Variants in LRBA observed in about 807,000 individuals in gnomAD.
The protein encoded by LRBA is LPS responsive beige-like anchor protein.
In LRBA, 176 loss-of-function variants were observed where a neutral mutation model predicts 330.0. The ratio of observed to expected loss-of-function variants is 0.53; its 90% CI spans 0.47 to 0.60. The LOEUF (loss-of-function observed/expected upper bound fraction) is 0.60. Ranked by LOEUF, LRBA falls within the 20% of genes least tolerant of loss-of-function variation. LRBA has a pLI of 0.00. For missense variants in LRBA, 3,259 were observed against 3,444.8 expected, an observed-to-expected ratio of 0.95 and a Z score of 1.35; for synonymous variants, 1,230 against 1,193.0, an observed-to-expected ratio of 1.03 and a Z score of -0.64.
chr4:150,663,933 A>G (rs886345139), intron 37 of LRBA, among the ~76,000 whole-genome samples: 1 of 152,232 alleles, frequency 6.6e-6, no homozygotes, highest in Non-Finnish European at 1.5e-5. Context: ...GAACTCACCA[A>G]GAAGATAACA....
chr4:150,982,165 G>A (rs1043491380), intron 2 of LRBA, among the ~76,000 whole-genome samples: 12 of 151,986 alleles, frequency 7.9e-5, no homozygotes, highest in African/African-American at 2.7e-4. Flanking sequence ...ACTAGATTAA[G>A]GCTACTTAGA....
At chr4:150,412,686 A>C (rs866265455) in intron 47 of LRBA, among the ~76,000 whole-genome samples, 3 of 152,188 alleles carry the variant, frequency 2.0e-5, no homozygotes, top group Middle Eastern at 3.4e-3. Context: ...TATTATTAAT[A>C]ATACTAACTA....
At chr4:150,866,997 G>A (rs1303035917) in intron 22 of LRBA, among the ~76,000 whole-genome samples, 1 of 149,850 alleles carries the variant, frequency 6.7e-6, no homozygotes, top group African/African-American at 2.5e-5. Context: ...AGGAGACAAA[G>A]CAATTATAGA....
intron 47 of LRBA, among the ~76,000 whole-genome samples, chr4:150,368,263 C>T (rs78816371): frequency 0.017 from 2,611 of 152,140 alleles, 32 homozygotes; most frequent in Middle Eastern, 0.055. Flanking sequence ...GAAAATGTTC[C>T]CATCAGTGGT....
chr4:150,295,328 G>T (rs946450986), intron 53 of LRBA, among the ~76,000 whole-genome samples: 1 of 151,140 alleles, frequency 6.6e-6, no homozygotes, highest in Non-Finnish European at 1.5e-5. Context: ...TCAGCCTCCT[G>T]AGTAGCTGGG....
chr4:150,412,836 A>C (rs1747199336), intron 47 of LRBA, among the ~76,000 whole-genome samples: 1 of 151,496 alleles, frequency 6.6e-6, no homozygotes, highest in African/African-American at 2.4e-5. Context: ...GATATTTTGT[A>C]TCTTTTATAT....
chr4:150,483,024 A>T (rs183589033), intron 42 of LRBA, among the ~76,000 whole-genome samples: 343 of 152,168 alleles, frequency 2.3e-3, no homozygotes, highest in Non-Finnish European at 3.2e-3. Flanking sequence ...ATTTTAATGA[A>T]ATCAATTAAA....
At chr4:150,576,685 T>C (rs1770587066) in intron 40 of LRBA, among the ~76,000 whole-genome samples, 1 of 151,928 alleles carries the variant, frequency 6.6e-6, no homozygotes, top group African/African-American at 2.4e-5. Context: ...ACAAGAATTA[T>C]ATTTGTAAAG....
intron 22 of LRBA, among the ~76,000 whole-genome samples, chr4:150,854,646 A>T (rs761901340): frequency 5.9e-5 from 9 of 152,208 alleles, no homozygotes; most frequent in Non-Finnish European, 1.2e-4. Flanking sequence ...AGGTGTATTT[A>T]CTAGTGTAAC....
At position 151,003,934 on chromosome 4, in the gene LRBA, T is replaced by A. The variant is rs796869301; in HGVS notation, c.216+10493A>T. 2.4e-3 allele frequency among the ~76,000 whole-genome samples: 336 copies of A among 138,654 alleles called. 2 individuals are homozygous for A. Among genetic ancestry groups the A allele is most frequent in the Middle Eastern group, 8.1e-3 (2 of 248 alleles). The allele number at this position is 138,654 out of a possible 152,430, so 91.0% of individuals were successfully genotyped here. On this transcript the variant is annotated intron_variant, in intron 2 of 56. Coordinates refer to ENST00000651943, the MANE Select transcript of LRBA (RefSeq NM_001364905.1). ...GTGTGTGTGTGTGTGTGTGTGTGTG[T>A]GACAGTCTCATGCTGCCACCCAGAC... is the stretch of plus-strand genomic sequence containing the variant.
chr4:150,426,721 T>C (rs546937129), intron 46 of LRBA, among the ~76,000 whole-genome samples: 3 of 151,928 alleles, frequency 2.0e-5, no homozygotes, highest in Non-Finnish European at 4.4e-5. Flanking sequence ...CTAAGAATAC[T>C]TAACAAAACT....
At chr4:150,423,129 A>C in intron 46 of LRBA, 1 of 914,022 alleles carries the variant, frequency 1.1e-6, no homozygotes, top group Non-Finnish European at 1.8e-6. Context: ...CCAGGAAGCT[A>C]CCACCACCAA....
At chr4:150,687,674 C>T (rs1348890327) in intron 36 of LRBA, among the ~76,000 whole-genome samples, 1 of 152,044 alleles carries the variant, frequency 6.6e-6, no homozygotes, top group South Asian at 2.1e-4. Flanking sequence ...CAGTCACTCA[C>T]AGTAAATAGA....
chr4:150,928,761 G>A, intron 3 of LRBA, 73 bp downstream of exon 3: 1 of 1,389,456 alleles, frequency 7.2e-7, no homozygotes, highest in East Asian at 2.4e-5. Flanking sequence ...TTGCTAAATG[G>A]AATAAGAAAA....
rs780956365 is a variant in LRBA, at chr4:150,849,029, T to C, written c.4159-31A>G. The stretch of plus-strand genomic sequence containing the variant: ...AAGAATAAAGTTTGACATTTATATA[T>C]ATATATTCTGAAAAAAAAATTTTAC... On this transcript the variant is annotated intron_variant, in intron 25 of 56. Transcript: ENST00000651943. 17 of 1,459,408 alleles carry C rather than the reference T, an allele frequency of 1.2e-5. No individual in the cohort carries two copies. In the East Asian group the frequency reaches 2.4e-4, roughly 20 times the overall value. The allele number at this position is 1,459,408 out of a possible 1,614,324, so 90.4% of individuals were successfully genotyped here. A position where few individuals can be genotyped will look rare whatever the true frequency, so the allele number is the denominator to read the frequency against.
intron 37 of LRBA, among the ~76,000 whole-genome samples, chr4:150,613,016 G>A (rs945828448): frequency 6.6e-6 from 1 of 152,020 alleles, no homozygotes; most frequent in South Asian, 2.1e-4. Flanking sequence ...AAAGTATAGA[G>A]GTCTGAAAAT....
At chr4:150,926,642 A>C (rs1733914550) in intron 4 of LRBA, among the ~76,000 whole-genome samples, 1 of 152,226 alleles carries the variant, frequency 6.6e-6, no homozygotes, top group African/African-American at 2.4e-5. Flanking sequence ...ATGAGTAAAA[A>C]ACTGACCTAG....
chr4:150,951,308 T>G (rs929461713), intron 2 of LRBA, among the ~76,000 whole-genome samples: 2 of 152,298 alleles, frequency 1.3e-5, no homozygotes, highest in African/African-American at 4.8e-5. Context: ...CACAGCAATT[T>G]TTTAAATCAT....
chr4:150,437,239 CAG>C (rs1751238168), intron 44 of LRBA, among the ~76,000 whole-genome samples: 1 of 151,854 alleles, frequency 6.6e-6, no homozygotes, highest in Non-Finnish European at 1.5e-5. Context: ...CAACCAGAAA[CAG>C]AATCTTAAAG....
Sources: gnomAD v4.1 joint callset for allele counts (sites outside exome capture counted in the v4.1 genomes callset) on GRCh38, gnomAD v4.1.1 for gene constraint, MANE v1.5 for transcripts, NCBI Gene and HGNC (gene_info 2026-07-23, HGNC 2026-07-21) for gene names.